Variants in PKD1L1 observed in about 807,000 individuals in gnomAD.
The protein encoded by PKD1L1 is polycystin-1-like protein 1.
A neutral mutation model predicts 323.4 loss-of-function variants in PKD1L1; 236 were observed. The observed-to-expected ratio is 0.73, with a 90% CI of 0.66 to 0.81. PKD1L1 has a LOEUF of 0.81. Among genes scored for constraint, PKD1L1 ranks in the 40% least tolerant of loss-of-function variants. The pLI is 0.00. For synonymous variants in PKD1L1, 1,344 were observed against 1,335.0 expected, an observed-to-expected ratio of 1.01 and a Z score of -0.15; for missense variants, 3,320 against 3,508.0, an observed-to-expected ratio of 0.95 and a Z score of 1.35.
rs146009557 is a variant in PKD1L1 at position 47,797,848 on chromosome 7, T to C, written c.8194-1698A>G. On this transcript the variant is annotated intron_variant, in intron 54 of 56. Coordinates refer to ENST00000289672, the MANE Select transcript of PKD1L1 (RefSeq NM_138295.5). Reference sequence around the variant, plus strand: ...GTCTCTGATCTAAGTTTCTTGCTCTTTGAGGACACTTCTAGTTAGGCTTTA... The same window carrying C: ...GTCTCTGATCTAAGTTTCTTGCTCTCTGAGGACACTTCTAGTTAGGCTTTA... Among the ~76,000 whole-genome samples, 7 of 152,338 alleles carry C rather than the reference T, an allele frequency of 4.6e-5. No homozygotes were observed. In the East Asian group the frequency reaches 1.3e-3, roughly 29 times the overall value.
intron 4 of PKD1L1, among the ~76,000 whole-genome samples, chr7:47,932,576 C>T (rs533734966): frequency 4.8e-4 from 73 of 152,340 alleles, no homozygotes; most frequent in African/African-American, 1.7e-3. Context: ...CGGTCATCTT[C>T]GTGTCCCCCA....
At chr7:47,822,444 AAAG>A (rs1785160625) in intron 45 of PKD1L1, among the ~76,000 whole-genome samples, 2 of 151,956 alleles carry the variant, frequency 1.3e-5, no homozygotes, top group Non-Finnish European at 2.9e-5. Context: ...CAAAAAAAAA[AAAG>A]AGCCAGGCAT....
At chr7:47,911,210 TAA>T (rs1787315486) in intron 8 of PKD1L1, among the ~76,000 whole-genome samples, 1 of 152,108 alleles carries the variant, frequency 6.6e-6, no homozygotes, top group Admixed American at 6.5e-5. Context: ...TCTGGCTATT[TAA>T]AAGTGTGTGG....
At chr7:47,959,519 G>A in the PKD1L1 span, among the ~76,000 whole-genome samples, 2 of 147,604 alleles carry the variant, frequency 1.4e-5, no homozygotes, top group Admixed American at 6.7e-5. Flanking sequence ...CCGCGACCCC[G>A]TCTGGGAGGT....
At chr7:47,808,048 C>A (rs1349037980) in intron 52 of PKD1L1, among the ~76,000 whole-genome samples, 199 bp downstream of exon 52, 5 of 152,148 alleles carry the variant, frequency 3.3e-5, no homozygotes, top group South Asian at 2.1e-4. Flanking sequence ...AATCCACATA[C>A]CCCAGTGTTC....
rs148231191 is a variant in PKD1L1 at position 47,875,301 on chromosome 7, C to T, written c.3784+796G>A. The stretch of plus-strand genomic sequence containing the variant: ...GCAAAGTTTCATGAAGAAGAAGGAA[C>T]TTCAGCTTGGCTTAAAGGAGAGGTG... On this transcript the variant is annotated intron_variant, in intron 23 of 56. Coordinates refer to ENST00000289672, the MANE Select transcript of PKD1L1 (RefSeq NM_138295.5). 4.8e-3 allele frequency among the ~76,000 whole-genome samples: 727 copies of T among 152,306 alleles called. 6 individuals are homozygous for T. The highest frequency in any genetic ancestry group is 0.017 in the African/African-American group (701 of 41,564).
At chr7:47,920,952 T>C (rs1787522618) in intron 7 of PKD1L1, among the ~76,000 whole-genome samples, 1 of 152,162 alleles carries the variant, frequency 6.6e-6, no homozygotes, top group Non-Finnish European at 1.5e-5. Context: ...GAAGATAACA[T>C]TGGAAAAACC....
rs771063916 is a variant in PKD1L1, at chr7:47,809,526, T to C, written c.7633A>G (p.Met2545Val). Reference protein sequence around the residue: ...LIHLCVQLYRMMDKGVLSYWR... With the variant: ...LIHLCVQLYRVMDKGVLSYWR... ...TAGCTGAGGACGCCCTTGTCCATCATACGGTAGAGTTGAACACAGAGGTGG... is the reference window on the plus strand; with the variant it reads ...TAGCTGAGGACGCCCTTGTCCATCACACGGTAGAGTTGAACACAGAGGTGG... Residue 2545 changes from methionine (M) to valine (V), a missense_variant, in exon 51 of 57, where the codon ATG (methionine) becomes GTG (valine). Met to Val is a conservative substitution (Grantham distance 21). Coordinates refer to ENST00000289672, the MANE Select transcript of PKD1L1 (RefSeq NM_138295.5). 2 of 1,609,848 alleles carry C rather than the reference T, an allele frequency of 1.2e-6. No homozygotes were observed. The highest frequency in any genetic ancestry group is 1.7e-6 in the Non-Finnish European group (2 of 1,178,296).
At chr7:47,913,914 G>A (rs1042157554) in intron 8 of PKD1L1, among the ~76,000 whole-genome samples, 1 of 152,210 alleles carries the variant, frequency 6.6e-6, no homozygotes, top group African/African-American at 2.4e-5. Context: ...AGAGGTAGGA[G>A]CTGTGGAATA....
In PKD1L1 at chr7:47,904,592, T is replaced by C. The variant is rs901677892; in HGVS notation, c.1717A>G (p.Asn573Asp). ...TCAGAGACCACACTGCTCATCCTGT[T>C]GGAAGCCTTAACCATCACACGATAC... is the stretch of plus-strand genomic sequence containing the variant. ...QWYRVMVKAS[N>D]RMSSVVSEPH... The change falls in exon 12 of 57, where the codon AAC becomes GAC. Residue 573 changes from asparagine (N) to aspartate (D), a missense_variant. Physicochemically the swap from Asn to Asp is conservative, Grantham distance 23. Coordinates refer to ENST00000289672, the MANE Select transcript of PKD1L1 (RefSeq NM_138295.5). 6.2e-7 allele frequency: 1 copy of C among 1,613,702 alleles called. No individual in the cohort carries two copies. Among genetic ancestry groups the C allele is most frequent in the African/African-American group, 1.3e-5 (1 of 74,972 alleles).
chr7:47,878,073 T>C (rs1365708685), intron 21 of PKD1L1, among the ~76,000 whole-genome samples: 1 of 151,992 alleles, frequency 6.6e-6, no homozygotes, highest in Non-Finnish European at 1.5e-5. Context: ...ACTTTCTCCA[T>C]TCTCCTGGAT....
At chr7:47,834,216 T>C (rs764252740) in intron 40 of PKD1L1, 123 bp downstream of exon 40, 1 of 969,228 alleles carries the variant, frequency 1.0e-6, no homozygotes, top group Non-Finnish European at 1.6e-6. Flanking sequence ...TTTTCCTGTG[T>C]CCGTCTCACC....
chr7:47,841,871 T>G (rs1164536699), intron 34 of PKD1L1, among the ~76,000 whole-genome samples: 1 of 152,220 alleles, frequency 6.6e-6, no homozygotes, highest in African/African-American at 2.4e-5. Flanking sequence ...GATGATTTTT[T>G]CTTAATCACA....
At chr7:47,894,549 T>C (rs17131919) in intron 14 of PKD1L1, among the ~76,000 whole-genome samples, 2,546 of 152,312 alleles carry the variant, frequency 0.017, 76 homozygotes, top group African/African-American at 0.057. Flanking sequence ...ATTCATATTG[T>C]TCTTTTACAA....
intron 17 of PKD1L1, among the ~76,000 whole-genome samples, chr7:47,886,682 C>A (rs1307829839): frequency 6.6e-6 from 1 of 152,180 alleles, no homozygotes; most frequent in Non-Finnish European, 1.5e-5. Context: ...TGTCAGCTCC[C>A]TTTTGCCCTC....
chr7:47,850,044 A>G (rs1052787029), intron 31 of PKD1L1, among the ~76,000 whole-genome samples: 9 of 152,128 alleles, frequency 5.9e-5, no homozygotes, highest in Non-Finnish European at 1.2e-4. Flanking sequence ...GTGAGAGATA[A>G]AAGACTACAC....
chr7:47,933,634 C>T (rs921107086), intron 4 of PKD1L1, among the ~76,000 whole-genome samples: 5 of 152,132 alleles, frequency 3.3e-5, no homozygotes, highest in Admixed American at 2.0e-4. Flanking sequence ...GATCAGCCTT[C>T]GTGTATGGTG....
intron 6 of PKD1L1, among the ~76,000 whole-genome samples, chr7:47,930,551 C>T (rs1007747854): frequency 1.6e-4 from 8 of 50,830 alleles, no homozygotes; most frequent in African/African-American, 1.4e-3. Flanking sequence ...GGTGCAGTGG[C>T]TCATGCCTGA....
chr7:47,932,207 C>G, intron 4 of PKD1L1, 151 bp from the exon 5 acceptor site: 2 of 1,284,090 alleles, frequency 1.6e-6, no homozygotes, highest in Non-Finnish European at 2.1e-6. Context: ...GAGTCAGGCC[C>G]AGGCTGACCA....
Sources: allele counts gnomAD v4.1 joint callset (sites outside exome capture counted in the v4.1 genomes callset), GRCh38; gene constraint gnomAD v4.1.1; transcripts MANE v1.5; gene names NCBI Gene and HGNC (gene_info 2026-07-23, HGNC 2026-07-21).